Variants in CDH18 observed in about 807,000 individuals in gnomAD.
The protein encoded by CDH18 is cadherin-18.
In CDH18, 31 loss-of-function variants were observed where a neutral mutation model predicts 67.9. The observed-to-expected ratio is 0.46, with a 90% CI of 0.34 to 0.62. CDH18 has a LOEUF of 0.62. Ranked by LOEUF, CDH18 falls within the 20% of genes least tolerant of loss-of-function variation. The pLI is 0.01. For missense variants in CDH18, 890 were observed against 975.5 expected (o/e 0.91, Z 1.17); for synonymous variants, 362 against 347.2 (o/e 1.04, Z -0.48).
intron 2 of CDH18, among the ~76,000 whole-genome samples, chr5:20,089,006 G>A (rs1369929355): frequency 3.3e-5 from 5 of 152,100 alleles, no homozygotes; most frequent in South Asian, 2.1e-4. Flanking sequence ...TCCAAAAAAC[G>A]GTATGTATTG....
chr5:20,549,382 T>C (rs1440105584), intron 1 of CDH18, among the ~76,000 whole-genome samples: 2 of 152,124 alleles, frequency 1.3e-5, no homozygotes, highest in Non-Finnish European at 2.9e-5. Flanking sequence ...GTCTTCTAAT[T>C]TTTGTTTATT....
intron 8 of CDH18, among the ~76,000 whole-genome samples, chr5:19,548,741 A>C (rs1736782833): frequency 6.6e-6 from 1 of 150,554 alleles, no homozygotes. Flanking sequence ...CTACTGAGTA[A>C]TATTTATCAG....
chr5:20,470,887 A>T (rs1303278736), intron 1 of CDH18, among the ~76,000 whole-genome samples: 1 of 152,202 alleles, frequency 6.6e-6, no homozygotes, highest in Non-Finnish European at 1.5e-5. Flanking sequence ...CAATTCATTA[A>T]GTCTATCTCC....
chr5:20,307,406 A>G (rs889063596), intron 1 of CDH18, among the ~76,000 whole-genome samples: 4 of 152,156 alleles, frequency 2.6e-5, no homozygotes, highest in Admixed American at 1.3e-4. Context: ...TTTACCTTAG[A>G]TATTTTGTCA....
intron 1 of CDH18, among the ~76,000 whole-genome samples, chr5:20,263,418 A>G (rs1218863188): frequency 6.6e-6 from 1 of 152,188 alleles, no homozygotes; most frequent in Non-Finnish European, 1.5e-5. Context: ...ATGAAGTTCA[A>G]TATTTCAAAC....
In CDH18 at chr5:20,111,542, CTT is replaced by C. The variant is rs1561799375; in HGVS notation, c.-517-119530_-517-119529del. Among the ~76,000 whole-genome samples, 3 of 100,028 alleles carry C rather than the reference CTT, an allele frequency of 3.0e-5. No individual in the cohort carries two copies. In the South Asian group the frequency reaches 1.2e-3, roughly 38 times the overall value. 65.6% of individuals were successfully genotyped at this position (100,028 alleles called of 152,430 possible). A position where few individuals can be genotyped will look rare whatever the true frequency, so the allele number is the denominator to read the frequency against. On this transcript the variant is annotated intron_variant, in intron 2 of 14. Coordinates refer to the CDH18 transcript ENST00000507958. ...CCCTCCCTCCCTTCCTTCCTTCCTT[CTT>C]TCTTTTTTTTTTTTTTTTTTTTTTC... is the stretch of plus-strand genomic sequence containing the variant.
At chr5:19,596,187 C>T (rs933287795) in intron 6 of CDH18, among the ~76,000 whole-genome samples, 1 of 152,098 alleles carries the variant, frequency 6.6e-6, no homozygotes, top group South Asian at 2.1e-4. Flanking sequence ...TAAGAAGAGG[C>T]TTTTGTCAAT....
At chr5:20,478,593 G>A (rs1337322265) in intron 1 of CDH18, among the ~76,000 whole-genome samples, 1 of 152,136 alleles carries the variant, frequency 6.6e-6, no homozygotes, top group East Asian at 1.9e-4. Context: ...ACAGAATAGA[G>A]CACCATGTCA....
At chr5:20,044,860 A>G (rs1740773285) in intron 2 of CDH18, among the ~76,000 whole-genome samples, 2 of 152,114 alleles carry the variant, frequency 1.3e-5, no homozygotes, top group South Asian at 2.1e-4. Context: ...ATTATACTCA[A>G]AATATTTTCC....
At chr5:19,606,402 T>C (rs946388401) in intron 6 of CDH18, among the ~76,000 whole-genome samples, 5 of 152,054 alleles carry the variant, frequency 3.3e-5, no homozygotes, top group Admixed American at 1.3e-4. Flanking sequence ...GAAATAAGTA[T>C]GGTTAATATG....
At chr5:20,335,985 G>T (rs547224260) in intron 1 of CDH18, among the ~76,000 whole-genome samples, 24 of 152,258 alleles carry the variant, frequency 1.6e-4, no homozygotes, top group African/African-American at 5.8e-4. Flanking sequence ...AAAATTTTTT[G>T]TAATTAAAAT....
At chr5:19,923,762 TA>T in intron 2 of CDH18, among the ~76,000 whole-genome samples, 1 of 152,324 alleles carries the variant, frequency 6.6e-6, no homozygotes, top group South Asian at 2.1e-4. Flanking sequence ...CAAAGCCTTT[TA>T]AAAATCTGCA....
chr5:19,792,116 C>T (rs908761368), intron 3 of CDH18, among the ~76,000 whole-genome samples: 1 of 152,108 alleles, frequency 6.6e-6, no homozygotes, highest in Non-Finnish European at 1.5e-5. Flanking sequence ...GCTGATAAAA[C>T]ATGATTTCTA....
chr5:20,391,298 G>T (rs1469799178), intron 1 of CDH18, among the ~76,000 whole-genome samples: 1 of 151,866 alleles, frequency 6.6e-6, no homozygotes, highest in African/African-American at 2.4e-5. Context: ...AATCATGATG[G>T]GGTGGTTAGG....
At chr5:20,269,877 G>T (rs1340926498) in intron 1 of CDH18, among the ~76,000 whole-genome samples, 2 of 151,912 alleles carry the variant, frequency 1.3e-5, no homozygotes, top group African/African-American at 4.8e-5. Context: ...GTATACAAAT[G>T]GAAAGGAGAT....
At chr5:19,667,204 A>G in intron 5 of CDH18, among the ~76,000 whole-genome samples, 1 of 151,872 alleles carries the variant, frequency 6.6e-6, no homozygotes, top group South Asian at 2.1e-4. Flanking sequence ...AAAAATAAAT[A>G]CTATGATGTA....
At chr5:20,159,887 T>C (rs1446872750) in intron 2 of CDH18, among the ~76,000 whole-genome samples, 2 of 152,156 alleles carry the variant, frequency 1.3e-5, no homozygotes, top group African/African-American at 4.8e-5. Flanking sequence ...AGGAGATACA[T>C]AAAGCAGCTA....
chr5:19,567,410 C>T (rs888684019), intron 8 of CDH18, among the ~76,000 whole-genome samples: 12 of 152,098 alleles, frequency 7.9e-5, no homozygotes, highest in East Asian at 5.8e-4. Flanking sequence ...TTCACAAATG[C>T]TTGCAAAGCT....
intron 3 of CDH18, among the ~76,000 whole-genome samples, chr5:19,818,894 T>G (rs76713138): frequency 0.011 from 1,696 of 152,328 alleles, 30 homozygotes; most frequent in African/African-American, 0.038. Flanking sequence ...AATTTGCTAC[T>G]ATTATTTTCT....
Sources: allele counts gnomAD v4.1 joint callset (sites outside exome capture counted in the v4.1 genomes callset), GRCh38; gene constraint gnomAD v4.1.1; transcripts MANE v1.5; gene names NCBI Gene and HGNC (gene_info 2026-07-23, HGNC 2026-07-21).